The following GRM1 variants were observed in gnomAD, a reference collection of about 807,000 sequenced individuals.
GRM1 encodes glutamate metabotropic receptor 1.
In GRM1, 33 loss-of-function variants were observed where a neutral mutation model predicts 90.9. The observed-to-expected ratio is 0.36, with a 90% confidence interval of 0.28 to 0.49. The LOEUF (loss-of-function observed/expected upper bound fraction) is 0.49. Ranked by LOEUF, GRM1 falls within the 20% of genes least tolerant of loss-of-function variation. GRM1 has a pLI of 0.99. For synonymous variants in GRM1, 700 were observed against 613.2 expected, an observed-to-expected ratio of 1.14 and a Z score of -2.09; for missense variants, 1,190 against 1,534.3, an observed-to-expected ratio of 0.78 and a Z score of 3.75.
chr6:146,317,750 C>A (rs1245423833), intron 3 of GRM1, among the ~76,000 whole-genome samples: 1 of 152,150 alleles, frequency 6.6e-6, no homozygotes, highest in Non-Finnish European at 1.5e-5. Flanking sequence ...CAAAACATAG[C>A]CAATGTGAAC....
intron 1 of GRM1, among the ~76,000 whole-genome samples, chr6:146,111,340 G>A (rs969555623): frequency 6.6e-6 from 1 of 152,140 alleles, no homozygotes; most frequent in African/African-American, 2.4e-5. Flanking sequence ...GTAAAGTGGG[G>A]ATTTATTCAG....
Position 146,434,299 on chromosome 6 carries a change from C to T in GRM1, c.3088C>T (p.Leu1030=), listed in dbSNP as rs1778516891. 1.2e-6 allele frequency: 2 copies of T among 1,604,484 alleles called. No homozygotes were observed. The highest frequency in any genetic ancestry group is 1.7e-6 in the Non-Finnish European group (2 of 1,173,196). ...GCAACCCCCTCCACAGCAGAAATCG[C>T]TGATGGACCAGCTCCAGGGAGTGGT... ...QQQPPPQQKS[L]MDQLQGVVSN... Residue 1030 remains leucine (L), a synonymous_variant, in exon 8 of 8, where the codon CTG becomes TTG. Transcript: ENST00000282753.
intron 1 of GRM1, among the ~76,000 whole-genome samples, chr6:146,144,487 A>G (rs1200962954): frequency 1.3e-5 from 2 of 152,236 alleles, no homozygotes; most frequent in African/African-American, 4.8e-5. Flanking sequence ...CAGTGTCCCC[A>G]CTAGCAACAA....
chr6:146,098,495 A>G (rs1776943256), intron 1 of GRM1, among the ~76,000 whole-genome samples: 1 of 152,124 alleles, frequency 6.6e-6, no homozygotes, highest in African/African-American at 2.4e-5. Context: ...TAAATACTTT[A>G]CTATTATAAT....
intron 2 of GRM1, among the ~76,000 whole-genome samples, chr6:146,202,881 T>C (rs1245865349): frequency 6.6e-6 from 1 of 152,130 alleles, no homozygotes; most frequent in African/African-American, 2.4e-5. Context: ...CTTAGGATAA[T>C]GCTAGCTACT....
intron 2 of GRM1, among the ~76,000 whole-genome samples, chr6:146,245,745 C>A (rs529954459): frequency 1.3e-5 from 2 of 152,216 alleles, no homozygotes; most frequent in African/African-American, 4.8e-5. Context: ...ATTGAGAACC[C>A]TCTAAGGAAC....
At chr6:146,179,135 A>G (rs1454173742) in intron 2 of GRM1, among the ~76,000 whole-genome samples, 1 of 152,146 alleles carries the variant, frequency 6.6e-6, no homozygotes. Context: ...AAATTGGGAG[A>G]AAAGGGTATA....
chr6:146,377,365 G>A (rs989487818), intron 5 of GRM1, among the ~76,000 whole-genome samples: 2 of 152,100 alleles, frequency 1.3e-5, no homozygotes, highest in African/African-American at 4.8e-5. Context: ...GGACAATAAG[G>A]TCCAGGTTGA....
At chr6:146,193,691 C>CT (rs200332430) in intron 2 of GRM1, among the ~76,000 whole-genome samples, 285 of 151,210 alleles carry the variant, frequency 1.9e-3, no homozygotes, top group Non-Finnish European at 2.7e-3. Flanking sequence ...TTGTTCTTAC[C>CT]TTTTTTTTTA....
chr6:146,337,666 T>C (rs1378551655), intron 3 of GRM1, among the ~76,000 whole-genome samples: 1 of 152,184 alleles, frequency 6.6e-6, no homozygotes, highest in Non-Finnish European at 1.5e-5. Flanking sequence ...CTTCTAAAGA[T>C]ACAGCACAAT....
intron 1 of GRM1, among the ~76,000 whole-genome samples, chr6:146,129,809 C>T (rs1776326725): frequency 6.6e-6 from 1 of 152,170 alleles, no homozygotes; most frequent in Non-Finnish European, 1.5e-5. Flanking sequence ...CCAGTCGGGG[C>T]TTCTCTGACT....
At chr6:146,417,853 A>G (rs1045113471) in intron 7 of GRM1, among the ~76,000 whole-genome samples, 2 of 152,234 alleles carry the variant, frequency 1.3e-5, no homozygotes, top group Admixed American at 1.3e-4. Context: ...CCTCTGTAAT[A>G]AATCAAAGTA....
chr6:146,190,536 C>A lies in GRM1; in HGVS notation c.950+30939C>A, dbSNP rs543228390. Among the ~76,000 whole-genome samples the A allele has an allele frequency of 2.4e-3, 358 of 152,236 alleles. 2 individuals are homozygous for A. The highest frequency in any genetic ancestry group is 8.4e-3 in the African/African-American group (350 of 41,538). On this transcript the variant is annotated intron_variant, in intron 2 of 7. Transcript: ENST00000282753. ...TTGGCCAACACGAATTCAGGAGGAG[C>A]AGCTCTCTCAAAACGAGATTACGGA...
At chr6:146,397,249 G>A (rs1051287940) in intron 6 of GRM1, among the ~76,000 whole-genome samples, 3 of 151,912 alleles carry the variant, frequency 2.0e-5, no homozygotes, top group South Asian at 2.1e-4. Flanking sequence ...TTGGGAGGCC[G>A]AGGCAGGCTG....
chr6:146,340,751 G>A (rs375072658), intron 3 of GRM1, among the ~76,000 whole-genome samples: 207 of 152,060 alleles, frequency 1.4e-3, no homozygotes, highest in African/African-American at 4.7e-3. Context: ...TCAGTATGTT[G>A]GCCAGGCTGG....
chr6:146,117,583 CT>C (rs759981110), intron 1 of GRM1, among the ~76,000 whole-genome samples: 8 of 151,492 alleles, frequency 5.3e-5, no homozygotes, highest in South Asian at 2.1e-4. Flanking sequence ...TTTATGACTT[CT>C]TTTTTTTGTT....
chr6:146,167,601 A>G (rs1437381138), intron 2 of GRM1, among the ~76,000 whole-genome samples: 2 of 152,056 alleles, frequency 1.3e-5, no homozygotes, highest in African/African-American at 4.8e-5. Context: ...GTATCGTGGC[A>G]TCTCTTTGTG....
chr6:146,134,144 C>A (rs117364878), intron 1 of GRM1, among the ~76,000 whole-genome samples: 1,871 of 152,306 alleles, frequency 0.012, 79 homozygotes, highest in East Asian at 0.094. Flanking sequence ...CATTCTCCTG[C>A]AGCATATTGA....
At chr6:146,125,398 G>A (rs1247450618) in intron 1 of GRM1, among the ~76,000 whole-genome samples, 4 of 151,822 alleles carry the variant, frequency 2.6e-5, no homozygotes, top group Non-Finnish European at 2.9e-5. Context: ...AGAACATAGG[G>A]ATATTTTTTC....
Sources: gnomAD v4.1 joint callset for allele counts (sites outside exome capture counted in the v4.1 genomes callset) on GRCh38, gnomAD v4.1.1 for gene constraint, MANE v1.5 for transcripts, NCBI Gene and HGNC (gene_info 2026-07-23, HGNC 2026-07-21) for gene names.